STRA6: variants seen among roughly 807,000 people sequenced by gnomAD.
STRA6 encodes the protein receptor for retinol uptake STRA6.
A neutral mutation model predicts 83.6 loss-of-function variants in STRA6; 48 were observed. That is an observed-to-expected ratio of 0.57 (90% CI 0.46 to 0.73). The LOEUF is 0.73. Among genes scored for constraint, STRA6 ranks in the 30% least tolerant of loss-of-function variants. The pLI is 0.00. For missense variants in STRA6, 760 were observed against 838.8 expected (o/e 0.91, Z 1.16); for synonymous variants, 353 against 362.3 (o/e 0.97, Z 0.29).
At chr15:74,210,763 T>C (rs111280093), upstream of STRA6, among the ~76,000 whole-genome samples, 2 of 152,330 alleles carry the variant, frequency 1.3e-5, no homozygotes, top group African/African-American at 4.8e-5. Flanking sequence ...AAGCTAGATG[T>C]AGCCCTTAGA....
At chr15:74,184,854 G>A in intron 13 of STRA6, 126 bp downstream of exon 13, 1 of 909,624 alleles carries the variant, frequency 1.1e-6, no homozygotes, top group South Asian at 1.4e-5. Flanking sequence ...CGCACAGGTG[G>A]GCTCCATGAC....
upstream of STRA6, chr15:74,209,523 C>G: frequency 7.5e-7 from 1 of 1,325,324 alleles, no homozygotes; most frequent in Non-Finnish European, 1.0e-6. Context: ...GGCTTCAGGG[C>G]TGGAATTCCA....
upstream of STRA6, chr15:74,207,628 C>T: frequency 6.9e-7 from 1 of 1,439,086 alleles, no homozygotes; most frequent in Non-Finnish European, 9.4e-7. Context: ...ACACCCCCAA[C>T]TTCGATAGCA....
At chr15:74,203,184 G>A (rs1352507393), upstream of STRA6, 15 of 984,588 alleles carry the variant, frequency 1.5e-5, no homozygotes, top group Admixed American at 4.3e-4. Context: ...CCATGAAGGA[G>A]GCAACATGTG....
intron 1 of STRA6, 81 bp downstream of exon 1, chr15:74,202,632 G>C (rs554750240): frequency 6.3e-6 from 9 of 1,431,074 alleles, no homozygotes; most frequent in African/African-American, 1.4e-5. Flanking sequence ...TTCAAAGAAG[G>C]CTTGTCCAGT....
intron 12 of STRA6, among the ~76,000 whole-genome samples, chr15:74,186,530 C>A (rs2073253114): frequency 6.6e-6 from 1 of 152,222 alleles, no homozygotes; most frequent in Non-Finnish European, 1.5e-5. Flanking sequence ...ATCACTTGAA[C>A]CTGAGAGACG....
intron 7 of STRA6, 40 bp downstream of exon 7, chr15:74,195,262 G>T (rs1295446634): frequency 1.7e-5 from 28 of 1,605,798 alleles, no homozygotes; most frequent in Non-Finnish European, 2.4e-5. Flanking sequence ...AGGTTGCTCT[G>T]TGCGCCCCTC....
chr15:74,205,757 C>T (rs1176861132), upstream of STRA6, among the ~76,000 whole-genome samples: 2 of 152,206 alleles, frequency 1.3e-5, no homozygotes, highest in Non-Finnish European at 2.9e-5. Context: ...CCACCCCCCA[C>T]GGAGAGCCCA....
chr15:74,181,197 GTGAAC>G, intron 17 of STRA6, 93 bp downstream of exon 17: 2 of 1,544,028 alleles, frequency 1.3e-6, no homozygotes, highest in Non-Finnish European at 1.8e-6. Context: ...AGGCATCGGT[GTGAAC>G]TGATCAGCTG....
rs1414149605 is a variant in STRA6, at chr15:74,180,119, G to A, written c.1965C>T (p.Arg655=). Residue 655 remains arginine (R), a synonymous_variant, in exon 19 of 19, where the codon CGC becomes CGT. Coordinates refer to ENST00000395105, the MANE Select transcript of STRA6 (RefSeq NM_022369.4). ...LLHNPTLQVF[R]KTALLGANGA... ...CATTGGCACCCAACAGGGCCGTCTT[G>A]CGGAAGACCTGCAGGGTTGGGTTGT... 6.2e-7 allele frequency: 1 copy of A among 1,613,732 alleles called. No individual in the cohort carries two copies. The highest frequency in any genetic ancestry group is 8.5e-7 in the Non-Finnish European group (1 of 1,179,716).
chr15:74,190,434 T>C (rs1289596983), intron 11 of STRA6, among the ~76,000 whole-genome samples: 2 of 152,030 alleles, frequency 1.3e-5, no homozygotes, highest in Non-Finnish European at 2.9e-5. Context: ...GGTTTTTTTT[T>C]TTTCGGAGGT....
chr15:74,199,705 G>A (rs2073972067), intron 2 of STRA6, among the ~76,000 whole-genome samples: 1 of 152,174 alleles, frequency 6.6e-6, no homozygotes, highest in Non-Finnish European at 1.5e-5. Context: ...TCAGTGTGAG[G>A]GGTCAGATGG....
chr15:74,207,662 C>T (rs1165907922), upstream of STRA6: 6 of 1,520,700 alleles, frequency 3.9e-6, no homozygotes, highest in Admixed American at 2.0e-5. Flanking sequence ...GCAAGAGAGG[C>T]GTTCCAGGAG....
At chr15:74,205,250 G>A (rs548363219), upstream of STRA6, among the ~76,000 whole-genome samples, 15 of 152,312 alleles carry the variant, frequency 9.8e-5, no homozygotes, top group South Asian at 2.9e-3. Flanking sequence ...TCGCATTGCT[G>A]TGAAGGAAAA....
rs1433675638 is a variant in STRA6 at position 74,197,744 on chromosome 15, G to A, written c.180+8C>T. On this transcript the variant is annotated splice_region_variant and intron_variant, in intron 3 of 18. Coordinates refer to ENST00000395105, the MANE Select transcript of STRA6 (RefSeq NM_022369.4). ...TTGCAAGCCAGGTTCAACTTGGGTT[G>A]GACTCACTGACAGCGAGGCCAGGCA... 1 of 1,613,092 alleles carries A rather than the reference G, an allele frequency of 6.2e-7. No individual in the cohort carries two copies. The highest frequency in any genetic ancestry group is 8.5e-7 in the Non-Finnish European group (1 of 1,180,004).
rs1252098803 is a variant in STRA6 at position 74,196,833 on chromosome 15, A to G, written c.266+505T>C. Among the ~76,000 whole-genome samples the G allele has an allele frequency of 2.0e-5, 3 of 152,182 alleles. No individual in the cohort carries two copies. In the East Asian group the frequency reaches 5.8e-4, roughly 29 times the overall value. ...GCCCCAACCCTTTGGTCTCTCGCAC[A>G]CTAGCTTGCCCAGCCCCATCTCCTC... is the stretch of plus-strand genomic sequence containing the variant. On this transcript the variant is annotated intron_variant, in intron 4 of 18. Coordinates refer to ENST00000395105, the MANE Select transcript of STRA6 (RefSeq NM_022369.4).
At chr15:74,194,996 C>T (rs2073740240) in intron 7 of STRA6, 1 of 1,433,740 alleles carries the variant, frequency 7.0e-7, no homozygotes, top group Admixed American at 2.9e-5. Context: ...TGGGGGATCA[C>T]TAACACAGGC....
intron 13 of STRA6, among the ~76,000 whole-genome samples, chr15:74,184,490 C>T (rs974391219): frequency 1.3e-5 from 2 of 152,334 alleles, no homozygotes; most frequent in East Asian, 3.9e-4. Flanking sequence ...TCACCACTCA[C>T]CGCTGCAGGG....
chr15:74,196,829 G>A (rs906215205), intron 4 of STRA6, among the ~76,000 whole-genome samples: 5 of 152,190 alleles, frequency 3.3e-5, no homozygotes, highest in East Asian at 3.9e-4. Flanking sequence ...TTGGTCTCTC[G>A]CACACTAGCT....
Sources: allele counts gnomAD v4.1 joint callset (sites outside exome capture counted in the v4.1 genomes callset), GRCh38; gene constraint gnomAD v4.1.1; transcripts MANE v1.5; gene names NCBI Gene and HGNC (gene_info 2026-07-23, HGNC 2026-07-21).